SLAMF6: variants seen among roughly 807,000 people sequenced by gnomAD.
SLAMF6 encodes SLAM family member 6, also known as NK-T-B-antigen.
Under a neutral mutation model 38.3 loss-of-function variants are expected in SLAMF6, and 21 were observed. That is an observed-to-expected ratio of 0.55 (90% CI 0.39 to 0.79). The LOEUF (loss-of-function observed/expected upper bound fraction) is 0.79. Among genes scored for constraint, SLAMF6 ranks in the 30% least tolerant of loss-of-function variants. The pLI, the probability that SLAMF6 is intolerant of heterozygous loss-of-function variation, is 0.00. For synonymous variants in SLAMF6, 152 were observed against 146.3 expected, an observed-to-expected ratio of 1.04 and a Z score of -0.28; for missense variants, 341 against 385.3, an observed-to-expected ratio of 0.89 and a Z score of 0.96.
At chr1:160,487,601 A>G (rs1397770618) in intron 6 of SLAMF6, among the ~76,000 whole-genome samples, 2 of 152,202 alleles carry the variant, frequency 1.3e-5, no homozygotes, top group Non-Finnish European at 2.9e-5. Context: ...TTTTGCTATA[A>G]TTCTAACTGC....
chr1:160,490,314 G>C, intron 4 of SLAMF6, 78 bp from the exon 5 acceptor site: 2 of 1,603,802 alleles, frequency 1.2e-6, no homozygotes, highest in Non-Finnish European at 1.7e-6. Flanking sequence ...GTGAGTGTTG[G>C]GATGTGGTGG....
At chr1:160,514,694 A>G (rs888996901) in intron 1 of SLAMF6, among the ~76,000 whole-genome samples, 1 of 152,230 alleles carries the variant, frequency 6.6e-6, no homozygotes, top group African/African-American at 2.4e-5. Flanking sequence ...ACTCAAGACA[A>G]AGAAACTCAC....
intron 1 of SLAMF6, among the ~76,000 whole-genome samples, chr1:160,522,674 G>A (rs1337997929): frequency 6.6e-6 from 1 of 151,806 alleles, no homozygotes; most frequent in Non-Finnish European, 1.5e-5. Flanking sequence ...TTTTTGGTGT[G>A]TTTGGTTGGG....
chr1:160,499,891 GT>G (rs1263081052), intron 1 of SLAMF6, among the ~76,000 whole-genome samples: 6 of 152,184 alleles, frequency 3.9e-5, no homozygotes, highest in Non-Finnish European at 8.8e-5. Context: ...TTAACACACT[GT>G]TATTTGTCAT....
chr1:160,515,922 C>CTG (rs1654718706), intron 1 of SLAMF6, among the ~76,000 whole-genome samples: 1 of 152,126 alleles, frequency 6.6e-6, no homozygotes, highest in Admixed American at 6.5e-5. Context: ...AAACTGGAAG[C>CTG]ATTTCTTGTG....
chr1:160,496,375 C>T lies in SLAMF6; in HGVS notation c.68G>A (p.Ser23Asn). Reference sequence around the variant, plus strand: ...GTTCACCATCAATGGGGTTAAGCTGCTTTGTGAAACTACATTCCCTGTAAA... The same window carrying T: ...GTTCACCATCAATGGGGTTAAGCTGTTTTGTGAAACTACATTCCCTGTAAA... The part of the protein sequence containing the change: ...CFGPGNVVSQ[S>N]SLTPLMVNGI... The change falls in exon 2 of 8, where the codon AGC becomes AAC. Residue 23 changes from serine (S) to asparagine (N), a missense_variant. Physicochemically the swap from Ser to Asn is conservative, Grantham distance 46 (BLOSUM62 1). Coordinates refer to ENST00000368057, the MANE Select transcript of SLAMF6 (RefSeq NM_001184714.2). 1 of 1,613,064 alleles carries T rather than the reference C, an allele frequency of 6.2e-7. No individual in the cohort carries two copies. The highest frequency in any genetic ancestry group is 8.5e-7 in the Non-Finnish European group (1 of 1,179,286).
chr1:160,499,277 T>G (rs1207340680), intron 1 of SLAMF6, among the ~76,000 whole-genome samples: 1 of 152,220 alleles, frequency 6.6e-6, no homozygotes, highest in Non-Finnish European at 1.5e-5. Context: ...CTTCTGCATA[T>G]GGCTAGCCAG....
intron 2 of SLAMF6, among the ~76,000 whole-genome samples, chr1:160,495,257 C>A (rs1462902553): frequency 1.3e-5 from 2 of 152,150 alleles, no homozygotes; most frequent in Admixed American, 6.6e-5. Flanking sequence ...GGTCTGATTG[C>A]CAATTTAATG....
Position 160,495,983 on chromosome 1 carries a change from A to C in SLAMF6, c.382+78T>G, listed in dbSNP as rs566166062. The C allele has an allele frequency of 1.4e-5, 19 of 1,320,214 alleles. No individual in the cohort carries two copies. The Admixed American group carries it at 3.9e-4, about 27-fold the overall frequency. The allele number at this position is 1,320,214 out of a possible 1,614,324, so 81.8% of individuals were successfully genotyped here. On this transcript the variant is annotated intron_variant, in intron 2 of 7. Transcript: ENST00000368057. ...ATTCTTTACCACTAGGCGACAGTGCACATTTGAAGTCACATAGGATTGGAA... is the reference window on the plus strand; with the variant it reads ...ATTCTTTACCACTAGGCGACAGTGCCCATTTGAAGTCACATAGGATTGGAA...
At position 160,491,391 on chromosome 1, in the gene SLAMF6, GTTTGC is replaced by G; in HGVS notation, c.383-8_383-4del. ...AACTTGTATGTTCCTCAGTTGTCCT[GTTTGC>G]AGAAAAAAAAAAGATCCAGATTAAG... On this transcript the variant is annotated splice_polypyrimidine_tract_variant and splice_region_variant and intron_variant, in intron 2 of 7. Coordinates refer to ENST00000368057, the MANE Select transcript of SLAMF6 (RefSeq NM_001184714.2). 6.2e-7 allele frequency: 1 copy of G among 1,602,744 alleles called. No homozygotes were observed. Among genetic ancestry groups the G allele is most frequent in the Admixed American group, 1.7e-5 (1 of 58,116 alleles).
chr1:160,488,994 TG>T, intron 6 of SLAMF6, 93 bp downstream of exon 6: 2 of 1,168,680 alleles, frequency 1.7e-6, no homozygotes, highest in Non-Finnish European at 2.6e-6. Context: ...CTCCCCTCAG[TG>T]GTCATTTGTT....
At position 160,485,245 on chromosome 1, in the gene SLAMF6, G is replaced by T. The variant is rs980306292; in HGVS notation, c.*1462C>A. On this transcript the variant is annotated 3_prime_UTR_variant, in exon 8 of 8. Transcript: ENST00000368057. Reference sequence around the variant, plus strand: ...TTTTTGTATTTTTAGTAAAGACGGGGTTTCACCAAGTTGGCCAGGCTGGTC... The same window carrying T: ...TTTTTGTATTTTTAGTAAAGACGGGTTTTCACCAAGTTGGCCAGGCTGGTC... 3.3e-5 allele frequency: 5 copies of T among 152,022 alleles called. No homozygotes were observed. The highest frequency in any genetic ancestry group is 1.2e-4 in the African/African-American group (5 of 41,372). 9.4% of individuals were successfully genotyped at this position (152,022 alleles called of 1,614,324 possible).
At position 160,490,205 on chromosome 1, in the gene SLAMF6, C is replaced by G. The variant is rs1197887163; in HGVS notation, c.789G>C (p.Gln263His). Residue 263 changes from glutamine to histidine, a missense_variant, in exon 5 of 8, where the codon CAG becomes CAC. Coordinates refer to ENST00000368057, the MANE Select transcript of SLAMF6 (RefSeq NM_001184714.2). Reference protein sequence around the residue: ...DSLSLSTQRTQGPAESARNLE... With the variant: ...DSLSLSTQRTHGPAESARNLE... Reference sequence around the variant, plus strand: ...AAGAGTCTGAATGCTCACCGGGGCCCTGTGTTCGCTGAGTAGACAAAGATA... The same window carrying G: ...AAGAGTCTGAATGCTCACCGGGGCCGTGTGTTCGCTGAGTAGACAAAGATA... 1 of 1,613,814 alleles carries G rather than the reference C, an allele frequency of 6.2e-7. No individual in the cohort carries two copies. The highest frequency in any genetic ancestry group is 8.5e-7 in the Non-Finnish European group (1 of 1,179,808).
At chr1:160,487,738 C>G (rs1653044312) in intron 6 of SLAMF6, among the ~76,000 whole-genome samples, 2 of 152,108 alleles carry the variant, frequency 1.3e-5, no homozygotes, top group Non-Finnish European at 2.9e-5. Flanking sequence ...CTACGGCCCT[C>G]AAAGAACCTA....
At chr1:160,506,177 C>T (rs12030215) in intron 1 of SLAMF6, among the ~76,000 whole-genome samples, 3,911 of 152,052 alleles carry the variant, frequency 0.026, 103 homozygotes, top group East Asian at 0.11. Flanking sequence ...TCAATGAACT[C>T]CAAGAAGAAT....
Position 160,501,941 on chromosome 1 carries a change from A to T in SLAMF6, c.50-5548T>A, listed in dbSNP as rs183722375. On this transcript the variant is annotated intron_variant, in intron 1 of 7. Transcript: ENST00000368057. ...TAGTTCCCCACAGACCCAAAACCAA[A>T]CCAAAGCAAAACTAGATTTGAGACA... Among the ~76,000 whole-genome samples, 13 of 151,948 alleles carry T rather than the reference A, an allele frequency of 8.6e-5. No individual in the cohort carries two copies. The East Asian group carries it at 9.8e-4, about 11-fold the overall frequency.
intron 1 of SLAMF6, among the ~76,000 whole-genome samples, chr1:160,502,248 G>A (rs975493646): frequency 3.3e-5 from 5 of 152,174 alleles, no homozygotes; most frequent in African/African-American, 1.2e-4. Flanking sequence ...CAGAAAAGGA[G>A]ATTAAGAATG....
At chr1:160,509,153 G>A (rs1654341144) in intron 1 of SLAMF6, among the ~76,000 whole-genome samples, 2 of 152,084 alleles carry the variant, frequency 1.3e-5, no homozygotes, top group African/African-American at 4.8e-5. Flanking sequence ...CCCATTACTG[G>A]GTATAAACCC....
intron 1 of SLAMF6, among the ~76,000 whole-genome samples, chr1:160,511,917 C>T (rs996653447): frequency 6.6e-6 from 1 of 152,140 alleles, no homozygotes; most frequent in African/African-American, 2.4e-5. Context: ...AAGGGGTGCT[C>T]CCACCCCCAG....
Sources: gnomAD v4.1 joint callset for allele counts (sites outside exome capture counted in the v4.1 genomes callset) on GRCh38, gnomAD v4.1.1 for gene constraint, MANE v1.5 for transcripts, NCBI Gene and HGNC (gene_info 2026-07-23, HGNC 2026-07-21) for gene names.